ARHGEF28: variants seen among roughly 807,000 people sequenced by gnomAD.
ARHGEF28 encodes the protein Rho guanine nucleotide exchange factor 28.
Under a neutral mutation model 206.6 loss-of-function variants are expected in ARHGEF28, and 152 were observed. The ratio of observed to expected loss-of-function variants is 0.74; its 90% CI spans 0.64 to 0.84. The LOEUF (loss-of-function observed/expected upper bound fraction) is 0.84, where lower values mean the gene tolerates loss of function less well. Among genes scored for constraint, ARHGEF28 ranks in the 40% least tolerant of loss-of-function variants. The pLI is 0.00. For missense variants in ARHGEF28, 2,028 were observed against 2,073.2 expected (o/e 0.98, Z 0.42); for synonymous variants, 763 against 776.4 (o/e 0.98, Z 0.29).
At chr5:73,823,066 A>G (rs530016825) in intron 9 of ARHGEF28, among the ~76,000 whole-genome samples, 65 of 149,788 alleles carry the variant, frequency 4.3e-4, no homozygotes, top group African/African-American at 1.6e-3. Context: ...GGGAGATTGT[A>G]TATGCAGCAG....
In ARHGEF28 at chr5:73,909,395, T is replaced by A. The variant is rs750560798; in HGVS notation, c.4162-17T>A. On this transcript the variant is annotated splice_polypyrimidine_tract_variant and intron_variant, in intron 33 of 35. Coordinates refer to ENST00000513042, the MANE Select transcript of ARHGEF28 (RefSeq NM_001177693.2). ...GAACCTTGTGTTCAGTGATTTTTCC[T>A]CTGTCTGCTCTGACAGGCCGCCTTG... 2.5e-6 allele frequency: 4 copies of A among 1,574,504 alleles called. No homozygotes were observed. In the South Asian group the frequency reaches 4.6e-5, roughly 18 times the overall value.
At chr5:73,828,797 C>T (rs1449802705) in intron 9 of ARHGEF28, among the ~76,000 whole-genome samples, 1 of 146,948 alleles carries the variant, frequency 6.8e-6, no homozygotes, top group African/African-American at 2.5e-5. Flanking sequence ...TCCTTTCTTC[C>T]TTCCTTTCCT....
intron 2 of ARHGEF28, among the ~76,000 whole-genome samples, chr5:73,742,847 A>AG (rs1186531759): frequency 6.6e-6 from 1 of 151,656 alleles, no homozygotes; most frequent in African/African-American, 2.4e-5. Context: ...AAAAAAAAAA[A>AG]AAAAGTACTT....
intron 28 of ARHGEF28, among the ~76,000 whole-genome samples, chr5:73,893,665 AAGG>A (rs1190421372): frequency 6.6e-6 from 1 of 152,198 alleles, no homozygotes; most frequent in Non-Finnish European, 1.5e-5. Flanking sequence ...TGTGTGAAAG[AAGG>A]AGATTAGACT....
At chr5:73,756,273 G>A (rs73116573) in intron 4 of ARHGEF28, among the ~76,000 whole-genome samples, 9,948 of 152,236 alleles carry the variant, frequency 0.065, 549 homozygotes, top group African/African-American at 0.15. Context: ...TTCATATATA[G>A]AGTGTATTGT....
chr5:73,792,512 A>C (rs990580420), intron 7 of ARHGEF28, among the ~76,000 whole-genome samples: 12 of 152,210 alleles, frequency 7.9e-5, no homozygotes, highest in South Asian at 6.2e-4. Context: ...TATAATGATC[A>C]TTTAAGAGTT....
intron 4 of ARHGEF28, among the ~76,000 whole-genome samples, chr5:73,754,350 T>C (rs1752188564): frequency 6.6e-6 from 1 of 152,092 alleles, no homozygotes; most frequent in Non-Finnish European, 1.5e-5. Flanking sequence ...TTTAAGACCT[T>C]GGATGAGGGA....
In ARHGEF28 at chr5:73,776,663, G is replaced by A; in HGVS notation, c.807G>A (p.Arg269=). ...TGGAGGCAGATATTAAACTCTTCCG[G>A]AAATACTTTTGGGATAGAGCCTTTC... ...HLLEADIKLF[R]KYFWDRAFLV... Residue 269 remains arginine, a synonymous_variant, in exon 6 of 36, where the codon CGG becomes CGA. Coordinates refer to ENST00000513042, the MANE Select transcript of ARHGEF28 (RefSeq NM_001177693.2). 6.2e-7 allele frequency: 1 copy of A among 1,613,584 alleles called. No individual in the cohort carries two copies. Among genetic ancestry groups the A allele is most frequent in the South Asian group, 1.1e-5 (1 of 90,998 alleles).
intron 7 of ARHGEF28, among the ~76,000 whole-genome samples, chr5:73,789,517 C>T (rs1354941047): frequency 1.3e-5 from 2 of 151,982 alleles, no homozygotes; most frequent in Non-Finnish European, 2.9e-5. Flanking sequence ...ACTCAATATA[C>T]TAAAACCCAT....
intron 7 of ARHGEF28, among the ~76,000 whole-genome samples, chr5:73,783,309 G>A (rs1753951463): frequency 6.6e-6 from 1 of 151,654 alleles, no homozygotes; most frequent in Non-Finnish European, 1.5e-5. Context: ...ATGACGTACT[G>A]GGGAAAATGC....
At chr5:73,733,266 AGGGT>A (rs1750717553) in intron 2 of ARHGEF28, among the ~76,000 whole-genome samples, 2 of 152,252 alleles carry the variant, frequency 1.3e-5, no homozygotes, top group Admixed American at 6.5e-5. Flanking sequence ...AACACATAAT[AGGGT>A]CTTACTCCAT....
chr5:73,776,731 AT>A (rs747225073), intron 6 of ARHGEF28, 35 bp downstream of exon 6: 2 of 1,550,338 alleles, frequency 1.3e-6, no homozygotes, highest in Non-Finnish European at 1.8e-6. Context: ...GTGATAATGC[AT>A]GCTTCAGAGA....
chr5:73,886,845 A>C (rs1477389829), intron 25 of ARHGEF28, among the ~76,000 whole-genome samples: 2 of 152,206 alleles, frequency 1.3e-5, no homozygotes, highest in Admixed American at 1.3e-4. Flanking sequence ...AAGTGAGACT[A>C]CTCTGCAGCC....
intron 9 of ARHGEF28, among the ~76,000 whole-genome samples, chr5:73,814,919 T>C (rs1031743932): frequency 6.6e-6 from 1 of 152,240 alleles, no homozygotes; most frequent in Non-Finnish European, 1.5e-5. Flanking sequence ...ACATTTTTCA[T>C]GTTGCTCAGC....
intron 1 of ARHGEF28, among the ~76,000 whole-genome samples, chr5:73,637,710 G>T (rs996156877): frequency 6.6e-6 from 1 of 152,194 alleles, no homozygotes. Flanking sequence ...GCTAGTAATT[G>T]CTGTAAGGCA....
intron 3 of ARHGEF28, among the ~76,000 whole-genome samples, chr5:73,752,648 G>A (rs184958324): frequency 3.2e-4 from 48 of 152,308 alleles, no homozygotes; most frequent in African/African-American, 4.3e-4. Flanking sequence ...GTTTGGTAAC[G>A]ATAGGAGAAC....
chr5:73,707,777 C>T (rs1749021355), intron 2 of ARHGEF28, among the ~76,000 whole-genome samples: 1 of 152,002 alleles, frequency 6.6e-6, no homozygotes, highest in Non-Finnish European at 1.5e-5. Flanking sequence ...AAGCTAAATA[C>T]AAAGAGAAAA....
At chr5:73,797,038 G>T (rs2112490532) in intron 9 of ARHGEF28, among the ~76,000 whole-genome samples, 1 of 152,336 alleles carries the variant, frequency 6.6e-6, no homozygotes, top group Non-Finnish European at 1.5e-5. Context: ...AAACTTGTGA[G>T]CAAGAAGCAT....
At position 73,941,014 on chromosome 5, in the gene ARHGEF28, T is replaced by C; in HGVS notation, c.*1T>C. On this transcript the variant is annotated 3_prime_UTR_variant, in exon 36 of 36. Transcript: ENST00000513042. ...CAAAGAAAATATTGTTTACCTCTAA[T>C]TGTGTTGTCATTTTTCCAAACAAAA... 1 of 1,486,056 alleles carries C rather than the reference T, an allele frequency of 6.7e-7. No homozygotes were observed. Among genetic ancestry groups the C allele is most frequent in the Non-Finnish European group, 8.9e-7 (1 of 1,126,818 alleles). The allele number at this position is 1,486,056 out of a possible 1,614,324, so 92.1% of individuals were successfully genotyped here.
Sources: gnomAD v4.1 joint callset for allele counts (sites outside exome capture counted in the v4.1 genomes callset) on GRCh38, gnomAD v4.1.1 for gene constraint, MANE v1.5 for transcripts, NCBI Gene and HGNC (gene_info 2026-07-23, HGNC 2026-07-21) for gene names.